Variants in LYST observed in about 807,000 individuals in gnomAD.
LYST encodes lysosomal-trafficking regulator.
In LYST, 192 loss-of-function variants were observed where a neutral mutation model predicts 413.6. The ratio of observed to expected loss-of-function variants is 0.46; its 90% CI spans 0.41 to 0.52. The LOEUF is 0.52. LYST is among the 20% of genes least tolerant of loss of function. LYST has a pLI of 0.00. For synonymous variants in LYST, 1,525 were observed against 1,567.3 expected (o/e 0.97, Z 0.64); for missense variants, 3,815 against 4,499.9 (o/e 0.85, Z 4.35).
intron 12 of LYST, 100 bp downstream of exon 12, chr1:235,791,599 G>GTT (rs771431448): frequency 7.3e-6 from 7 of 958,310 alleles, no homozygotes; most frequent in Non-Finnish European, 1.2e-5. Context: ...TGAAGAACAT[G>GTT]TTAAGAGTGT....
chr1:235,805,786 G>A lies in LYST; in HGVS notation c.3350C>T (p.Ala1117Val). The change falls in exon 6 of 53, where the codon GCC becomes GTC. Residue 1117 changes from alanine (A) to valine (V), a missense_variant. Transcript: ENST00000389793. ...TTCCATCTTCTGTTGACTAGTTCTGGCACCATGAAGACAAATGGCCAGAAG... is the reference window on the plus strand; with the variant it reads ...TTCCATCTTCTGTTGACTAGTTCTGACACCATGAAGACAAATGGCCAGAAG... ...EALLAICLHG[A>V]RTSQQKMELE... 1 of 1,613,402 alleles carries A rather than the reference G, an allele frequency of 6.2e-7. No individual in the cohort carries two copies. Among genetic ancestry groups the A allele is most frequent in the South Asian group, 1.1e-5 (1 of 91,074 alleles).
chr1:235,857,784 C>CACACATATAT (rs145820873), intron 1 of LYST, among the ~76,000 whole-genome samples: 84 of 122,124 alleles, frequency 6.9e-4, no homozygotes, highest in African/African-American at 2.5e-3. Context: ...CACACACACA[C>CACACATATAT]ATATATATAT....
Position 235,800,895 on chromosome 1 carries a change from C to A in LYST, c.3915G>T (p.Lys1305Asn), listed in dbSNP as rs1672141778. ...CCTGTTGCATGAGCAGAAAAACATT[C>A]TTTTCTTTCTGCCTAATAATTTTCA... ...SFLKIIRQKE[K>N]NVFLLMQQGT... Residue 1305 changes from lysine to asparagine, a missense_variant, in exon 9 of 53, where the codon AAG becomes AAT. By Grantham distance (94) the Lys-to-Asn change is moderately conservative. Around this residue, in one of 4 missense-constraint regions of LYST, gnomAD observed 1,648 missense variants for 1,810.3 expected, o/e 0.91. Coordinates refer to ENST00000389793, the MANE Select transcript of LYST (RefSeq NM_000081.4). The A allele has an allele frequency of 1.2e-6, 2 of 1,612,572 alleles. No individual in the cohort carries two copies. Among genetic ancestry groups the A allele is most frequent in the South Asian group, 1.1e-5 (1 of 91,022 alleles).
chr1:235,871,911 C>G (rs1214289780), intron 1 of LYST, among the ~76,000 whole-genome samples: 2 of 152,182 alleles, frequency 1.3e-5, no homozygotes, highest in Admixed American at 6.5e-5. Context: ...GGAAATGTTT[C>G]CTCAACCCTC....
At chr1:235,767,827 TTC>T (rs1449102594) in intron 20 of LYST, among the ~76,000 whole-genome samples, 5 of 152,156 alleles carry the variant, frequency 3.3e-5, no homozygotes, top group Admixed American at 1.3e-4. Flanking sequence ...CATTAAGAAT[TTC>T]TGAGTCAATG....
At chr1:235,821,255 G>C (rs912872924) in intron 3 of LYST, among the ~76,000 whole-genome samples, 1 of 152,156 alleles carries the variant, frequency 6.6e-6, no homozygotes, top group Admixed American at 6.5e-5. Context: ...TGGGCAACAC[G>C]GTGAAACCCC....
At chr1:235,675,004 C>T (rs755329844) in intron 50 of LYST, among the ~76,000 whole-genome samples, 7 of 152,180 alleles carry the variant, frequency 4.6e-5, no homozygotes, top group Non-Finnish European at 1.0e-4. Context: ...AAACCTCTCT[C>T]GATTCTCCCC....
At position 235,662,421 on chromosome 1, in the gene LYST, G is replaced by C. The variant is rs192603579; in HGVS notation, c.*519C>G. ...AATATTTGGTACAGAGGCACCTACT[G>C]AATAATTTGCTTCTCAAAGAAAGCA... is the stretch of plus-strand genomic sequence containing the variant. On this transcript the variant is annotated 3_prime_UTR_variant, in exon 53 of 53. Transcript: ENST00000389793. 1 of 165,974 alleles carries C rather than the reference G, an allele frequency of 6.0e-6. No individual in the cohort carries two copies. Among genetic ancestry groups the C allele is most frequent in the Admixed American group, 5.8e-5 (1 of 17,302 alleles). 10.3% of individuals were successfully genotyped at this position (165,974 alleles called of 1,614,324 possible). A position where few individuals can be genotyped will look rare whatever the true frequency, so the allele number is the denominator to read the frequency against.
intron 44 of LYST, among the ~76,000 whole-genome samples, chr1:235,703,984 CT>C (rs1018793042): frequency 6.6e-6 from 1 of 152,170 alleles, no homozygotes; most frequent in Non-Finnish European, 1.5e-5. Context: ...TTAGCTTCCA[CT>C]TACAAGTGAG....
intron 33 of LYST, 24 bp downstream of exon 33, chr1:235,733,806 C>T (rs1664586082): frequency 6.5e-7 from 1 of 1,545,052 alleles, no homozygotes; most frequent in Middle Eastern, 1.7e-4. Flanking sequence ...AAAATACATG[C>T]CTTTGGAACA....
chr1:235,838,334 C>G (rs975605261), intron 1 of LYST, among the ~76,000 whole-genome samples: 1 of 152,134 alleles, frequency 6.6e-6, no homozygotes, highest in Non-Finnish European at 1.5e-5. Context: ...ATCCAACTCT[C>G]CTTCATGTTC....
intron 1 of LYST, among the ~76,000 whole-genome samples, chr1:235,836,010 T>C (rs1363168286): frequency 6.6e-6 from 1 of 152,236 alleles, no homozygotes; most frequent in Non-Finnish European, 1.5e-5. Context: ...TTTATATCCT[T>C]AGCATTTACC....
rs755219468 is a variant in LYST at position 235,728,060 on chromosome 1, T to G, written c.9162+16A>C. The G allele has an allele frequency of 6.3e-7, 1 of 1,591,474 alleles. No homozygotes were observed. The highest frequency in any genetic ancestry group is 8.6e-7 in the Non-Finnish European group (1 of 1,159,586). On this transcript the variant is annotated intron_variant, in intron 38 of 52. Coordinates refer to ENST00000389793, the MANE Select transcript of LYST (RefSeq NM_000081.4). ...TGTCTAGATTTATGTAAATACAGAC[T>G]TAAGCCTCTACTCACCGAACTTTCA...
At chr1:235,744,290 T>C (rs1219022667) in intron 29 of LYST, 133 bp from the exon 30 acceptor site, 9 of 626,608 alleles carry the variant, frequency 1.4e-5, no homozygotes, top group Admixed American at 5.4e-5. Context: ...GTGTATCAGG[T>C]GTATTAGATG....
rs887840797 is a variant in LYST, at chr1:235,791,506, T to C, written c.4543+193A>G. On this transcript the variant is annotated intron_variant, in intron 12 of 52. Transcript: ENST00000389793. ...CTTCACCCCTATAAAAAACTAAAGT[T>C]TCCGTAATAGAGATTCAAGGCTTTA... 4 of 584,072 alleles carry C rather than the reference T, an allele frequency of 6.8e-6. No individual in the cohort carries two copies. In the African/African-American group the frequency reaches 7.5e-5, roughly 11 times the overall value. 36.2% of individuals were successfully genotyped at this position (584,072 alleles called of 1,614,324 possible).
At chr1:235,758,945 G>A in intron 23 of LYST, 27 bp downstream of exon 23, 1 of 1,610,720 alleles carries the variant, frequency 6.2e-7, no homozygotes, top group Admixed American at 1.7e-5. Context: ...ATAAAGGTGG[G>A]AGGAGTGTAC....
Position 235,791,962 on chromosome 1 carries a change from C to G in LYST, c.4280G>C (p.Arg1427Thr). The G allele has an allele frequency of 1.2e-6, 2 of 1,614,122 alleles. No individual in the cohort carries two copies. The highest frequency in any genetic ancestry group is 8.5e-7 in the Non-Finnish European group (1 of 1,180,004). Reference sequence around the variant, plus strand: ...CTTGCTCCGTGAAACTCGTGCTCTTCTCAATAAACCCATGGCCTTACTGTT... The same window carrying G: ...CTTGCTCCGTGAAACTCGTGCTCTTGTCAATAAACCCATGGCCTTACTGTT... Reference protein sequence around the residue: ...ILNSKAMGLLRRARVSRSKKE... With the variant: ...ILNSKAMGLLTRARVSRSKKE... The change falls in exon 12 of 53, where the codon AGA becomes ACA. Residue 1427 changes from arginine (R) to threonine (T), a missense_variant. Arg to Thr is a moderately conservative substitution (Grantham distance 71, BLOSUM62 -1). This residue lies in a region of LYST where 1,648 missense variants were observed against 1,810.3 expected (regional missense o/e 0.91). Coordinates refer to ENST00000389793, the MANE Select transcript of LYST (RefSeq NM_000081.4).
At chr1:235,737,960 C>CATTAAAAAAA in intron 31 of LYST, 14 of 1,337,104 alleles carry the variant, frequency 1.0e-5, no homozygotes, top group South Asian at 6.0e-5. Context: ...GCCGGACGTG[C>CATTAAAAAAA]ATTCTCGATT....
intron 39 of LYST, among the ~76,000 whole-genome samples, chr1:235,722,415 C>T (rs1663458055): frequency 6.6e-6 from 1 of 152,162 alleles, no homozygotes; most frequent in Non-Finnish European, 1.5e-5. Context: ...AGTGAAGGGA[C>T]TGGAGGTCAA....
Sources: allele counts gnomAD v4.1 joint callset (sites outside exome capture counted in the v4.1 genomes callset), GRCh38; gene constraint gnomAD v4.1.1; regional missense constraint gnomAD v4.1.1; transcripts MANE v1.5; gene names NCBI Gene and HGNC (gene_info 2026-07-23, HGNC 2026-07-21).